RARB: variants seen among roughly 807,000 people sequenced by gnomAD.
RARB encodes the protein retinoic acid receptor beta.
A neutral mutation model predicts 51.9 loss-of-function variants in RARB; 17 were observed. The ratio of observed to expected loss-of-function variants is 0.33; its 90% confidence interval spans 0.22 to 0.49. The LOEUF is 0.49. Ranked by LOEUF, RARB falls within the 20% of genes least tolerant of loss-of-function variation. The pLI, the probability that RARB is intolerant of heterozygous loss-of-function variation, is 0.99. For missense variants in RARB, 369 were observed against 550.8 expected (o/e 0.67, Z 3.30); for synonymous variants, 215 against 195.4 (o/e 1.10, Z -0.84).
At chr3:25,138,483 G>T (rs1700065177) in intron 4 of RARB, among the ~76,000 whole-genome samples, 1 of 151,854 alleles carries the variant, frequency 6.6e-6, no homozygotes, top group Non-Finnish European at 1.5e-5. Context: ...TATTCAACTT[G>T]CATTTGCCTT....
chr3:25,116,794 A>T (rs1699694543), intron 3 of RARB, among the ~76,000 whole-genome samples: 1 of 152,026 alleles, frequency 6.6e-6, no homozygotes, highest in Non-Finnish European at 1.5e-5. Flanking sequence ...AAGAGGACAG[A>T]TCTCTGAAGA....
chr3:25,049,667 G>T (rs1008195221), intron 2 of RARB, among the ~76,000 whole-genome samples: 2 of 152,156 alleles, frequency 1.3e-5, no homozygotes. Flanking sequence ...GATATAAAGA[G>T]AATACATGAA....
chr3:25,260,954 G>T (rs1702984059), intron 5 of RARB, among the ~76,000 whole-genome samples: 1 of 152,092 alleles, frequency 6.6e-6, no homozygotes. Flanking sequence ...GAGAATGTTG[G>T]CCCTAATACT....
chr3:25,024,852 C>T (rs1697709611), intron 2 of RARB, among the ~76,000 whole-genome samples: 3 of 147,804 alleles, frequency 2.0e-5, no homozygotes, highest in African/African-American at 7.5e-5. Context: ...ACTATGGAGG[C>T]TGAGGCAGGA....
At chr3:25,375,036 A>G (rs1706417330) in intron 5 of RARB, among the ~76,000 whole-genome samples, 2 of 151,810 alleles carry the variant, frequency 1.3e-5, no homozygotes, top group South Asian at 4.1e-4. Flanking sequence ...CTTTACTGAA[A>G]ACTTAAAGCG....
At chr3:25,190,803 A>T (rs1701085380) in intron 5 of RARB, among the ~76,000 whole-genome samples, 1 of 152,164 alleles carries the variant, frequency 6.6e-6, no homozygotes, top group Non-Finnish European at 1.5e-5. Flanking sequence ...AGTAATAGTC[A>T]TAAATGATTT....
At chr3:25,262,093 G>T (rs1372636821) in intron 5 of RARB, among the ~76,000 whole-genome samples, 2 of 151,982 alleles carry the variant, frequency 1.3e-5, no homozygotes, top group Non-Finnish European at 2.9e-5. Context: ...CCCTACTATG[G>T]GAAGCTCTCT....
intron 4 of RARB, among the ~76,000 whole-genome samples, chr3:25,570,436 C>T (rs1248932349): frequency 6.6e-6 from 1 of 152,170 alleles, no homozygotes; most frequent in Non-Finnish European, 1.5e-5. Flanking sequence ...TGTGAGAGGA[C>T]ATGTACAAAA....
chr3:25,062,212 C>G (rs933439075), intron 3 of RARB, among the ~76,000 whole-genome samples: 1 of 151,514 alleles, frequency 6.6e-6, no homozygotes, highest in Non-Finnish European at 1.5e-5. Context: ...GAAGAAATAG[C>G]GACGGCCAGT....
At chr3:25,360,400 C>G (rs1705893310) in intron 5 of RARB, among the ~76,000 whole-genome samples, 1 of 152,300 alleles carries the variant, frequency 6.6e-6, no homozygotes, top group Middle Eastern at 3.4e-3. Flanking sequence ...CTGAATACAG[C>G]ATACTGATGG....
chr3:25,089,269 G>GA (rs546213373), intron 3 of RARB, among the ~76,000 whole-genome samples: 5 of 149,968 alleles, frequency 3.3e-5, no homozygotes, highest in Non-Finnish European at 7.4e-5. Context: ...AGCATGCACA[G>GA]AAAAAAAAAG....
intron 3 of RARB, among the ~76,000 whole-genome samples, chr3:25,111,457 T>A (rs539238548): frequency 6.6e-6 from 1 of 152,276 alleles, no homozygotes; most frequent in East Asian, 1.9e-4. Context: ...CTAGCAAAAC[T>A]GATTTAAAAT....
At chr3:25,081,886 G>A (rs1011141841) in intron 3 of RARB, among the ~76,000 whole-genome samples, 28 of 151,486 alleles carry the variant, frequency 1.8e-4, no homozygotes, top group African/African-American at 6.5e-4. Context: ...GCCTGCCTTG[G>A]CCTCCCAAAG....
intron 3 of RARB, among the ~76,000 whole-genome samples, chr3:25,084,343 T>C (rs1699064903): frequency 6.6e-6 from 1 of 152,208 alleles, no homozygotes; most frequent in African/African-American, 2.4e-5. Context: ...TTTATAGTTC[T>C]TTAGAAGAAC....
chr3:25,328,852 G>C (rs569478968), intron 5 of RARB, among the ~76,000 whole-genome samples: 1 of 152,202 alleles, frequency 6.6e-6, no homozygotes, highest in Admixed American at 6.5e-5. Flanking sequence ...AATGGTCTTA[G>C]CAAATGGCAC....
intron 1 of RARB, among the ~76,000 whole-genome samples, chr3:24,848,049 G>A (rs1702507345): frequency 6.6e-6 from 1 of 152,284 alleles, no homozygotes; most frequent in African/African-American, 2.4e-5. Context: ...CCTCTGTGCT[G>A]TAAGGCTTTT....
Position 25,062,967 on chromosome 3 carries a change from A to G in RARB, c.-328+2791A>G, listed in dbSNP as rs71311522. 3.4e-3 allele frequency among the ~76,000 whole-genome samples: 517 copies of G among 152,154 alleles called. 3 individuals are homozygous for G. The highest frequency in any genetic ancestry group is 4.9e-3 in the Non-Finnish European group (335 of 67,918). On this transcript the variant is annotated intron_variant, in intron 3 of 11. Coordinates refer to the RARB transcript ENST00000383772. The stretch of plus-strand genomic sequence containing the variant: ...TTTTTAAATGCACATGTTCAAAACT[A>G]GGAACGACAAAACTTGAGTCATACA...
chr3:25,366,202 T>A (rs759539295), intron 5 of RARB, among the ~76,000 whole-genome samples: 1 of 152,200 alleles, frequency 6.6e-6, no homozygotes, highest in Non-Finnish European at 1.5e-5. Flanking sequence ...GTTATTTCTA[T>A]ATTACAAATG....
At position 25,236,588 on chromosome 3, in the gene RARB, G is replaced by A. The variant is rs148265352; in HGVS notation, c.178+62013G>A. Among the ~76,000 whole-genome samples, 578 of 152,202 alleles carry A rather than the reference G, an allele frequency of 3.8e-3. 6 individuals carry two copies. Among genetic ancestry groups the A allele is most frequent in the African/African-American group, 0.013 (549 of 41,540 alleles). ...GGAAAGAGAAGAGGAAAGAAAAGGA[G>A]CATCTTTTCTTCCCTTCACTATGCA... is the stretch of plus-strand genomic sequence containing the variant. On this transcript the variant is annotated intron_variant, in intron 5 of 11. Coordinates refer to the RARB transcript ENST00000383772.
Sources: allele counts gnomAD v4.1 joint callset (sites outside exome capture counted in the v4.1 genomes callset), GRCh38; gene constraint gnomAD v4.1.1; transcripts MANE v1.5; gene names NCBI Gene and HGNC (gene_info 2026-07-23, HGNC 2026-07-21).